CADPS2: variants seen among roughly 807,000 people sequenced by gnomAD.
CADPS2 encodes the protein calcium dependent secretion activator 2.
Under a neutral mutation model 172.5 loss-of-function variants are expected in CADPS2, and 93 were observed. The ratio of observed to expected loss-of-function variants is 0.54; its 90% CI spans 0.46 to 0.64. CADPS2 has a LOEUF of 0.64. Among genes scored for constraint, CADPS2 ranks in the 30% least tolerant of loss-of-function variants. CADPS2 has a pLI of 0.00. For missense variants in CADPS2, 1,420 were observed against 1,565.9 expected, an observed-to-expected ratio of 0.91 and a Z score of 1.57; for synonymous variants, 546 against 555.2, an observed-to-expected ratio of 0.98 and a Z score of 0.23.
At chr7:122,735,896 T>C (rs987321910) in intron 2 of CADPS2, among the ~76,000 whole-genome samples, 2 of 152,180 alleles carry the variant, frequency 1.3e-5, no homozygotes, top group South Asian at 2.1e-4. Context: ...TTTTACATGA[T>C]GAAATCTTCC....
chr7:122,383,470 C>A (rs1340285810), intron 24 of CADPS2, among the ~76,000 whole-genome samples: 2 of 152,050 alleles, frequency 1.3e-5, no homozygotes, highest in African/African-American at 4.8e-5. Context: ...AAATAAAATT[C>A]TTCGAATACT....
intron 12 of CADPS2, among the ~76,000 whole-genome samples, chr7:122,477,690 C>G (rs978083716): frequency 1.3e-5 from 2 of 152,036 alleles, no homozygotes; most frequent in Non-Finnish European, 1.5e-5. Context: ...TATATTTAAG[C>G]TTTACAACAT....
chr7:122,739,232 T>G lies in CADPS2; in HGVS notation c.340-2164A>C, dbSNP rs145580617. On this transcript the variant is annotated intron_variant, in intron 1 of 29. Transcript: ENST00000449022. ...GTAAAATAATGGCAATGGAAATGTA[T>G]GCAAAGAATGACAATGAACTGAAGG... 3.5e-3 allele frequency among the ~76,000 whole-genome samples: 528 copies of G among 152,300 alleles called. 6 individuals carry two copies. Among genetic ancestry groups the G allele is most frequent in the African/African-American group, 0.012 (517 of 41,570 alleles).
chr7:122,509,420 A>G (rs1048690528), intron 9 of CADPS2, among the ~76,000 whole-genome samples: 3 of 152,178 alleles, frequency 2.0e-5, no homozygotes, highest in Non-Finnish European at 4.4e-5. Context: ...CTGACACATC[A>G]ACAACAAGCA....
At chr7:122,489,995 A>AGC in intron 11 of CADPS2, 86 bp downstream of exon 11, 1 of 1,088,066 alleles carries the variant, frequency 9.2e-7, no homozygotes, top group Non-Finnish European at 1.3e-6. Flanking sequence ...AATGATGTAA[A>AGC]CTATAATACT....
At chr7:122,534,995 C>G (rs926006097) in intron 8 of CADPS2, among the ~76,000 whole-genome samples, 3 of 152,060 alleles carry the variant, frequency 2.0e-5, no homozygotes, top group African/African-American at 7.2e-5. Context: ...GCTTTGAAAG[C>G]TGAGCATTTA....
At chr7:122,652,412 C>A (rs1474491232) in intron 3 of CADPS2, among the ~76,000 whole-genome samples, 1 of 152,108 alleles carries the variant, frequency 6.6e-6, no homozygotes, top group Non-Finnish European at 1.5e-5. Context: ...ACAGCATTTT[C>A]ATTTAAAAAA....
intron 1 of CADPS2, among the ~76,000 whole-genome samples, chr7:122,766,364 T>C (rs1417713077): frequency 1.3e-5 from 2 of 152,152 alleles, no homozygotes; most frequent in African/African-American, 4.8e-5. Context: ...ATTTGAACCA[T>C]AGTCACATAA....
intron 20 of CADPS2, among the ~76,000 whole-genome samples, chr7:122,402,415 G>C (rs2046069325): frequency 6.6e-6 from 1 of 152,136 alleles, no homozygotes; most frequent in Non-Finnish European, 1.5e-5. Flanking sequence ...CCCCGCCCGA[G>C]TTCCTGCCTC....
Position 122,389,005 on chromosome 7 carries a change from G to C in CADPS2, c.3009-267C>G, listed in dbSNP as rs558689737. 2.6e-5 allele frequency among the ~76,000 whole-genome samples: 4 copies of C among 152,126 alleles called. No individual in the cohort carries two copies. In the South Asian group the frequency reaches 8.3e-4, roughly 32 times the overall value. On this transcript the variant is annotated intron_variant, in intron 22 of 29. Transcript: ENST00000449022. Reference sequence around the variant, plus strand: ...AAATGGATATGTATACTTTACTAAGGAAGTTATATTGTGTACATAAGAACA... The same window carrying C: ...AAATGGATATGTATACTTTACTAAGCAAGTTATATTGTGTACATAAGAACA...
At chr7:122,368,944 T>C (rs1247502445) in intron 25 of CADPS2, among the ~76,000 whole-genome samples, 2 of 152,128 alleles carry the variant, frequency 1.3e-5, no homozygotes, top group Non-Finnish European at 2.9e-5. Context: ...GCTGGTAACA[T>C]AAGAAAATGG....
chr7:122,696,916 T>C (rs553168282), intron 2 of CADPS2, among the ~76,000 whole-genome samples: 87 of 152,260 alleles, frequency 5.7e-4, no homozygotes, highest in Non-Finnish European at 9.9e-4. Context: ...CCTGAGAATA[T>C]AGTGAACAAA....
chr7:122,872,393 T>G (rs1434305950), intron 1 of CADPS2, among the ~76,000 whole-genome samples: 1 of 152,074 alleles, frequency 6.6e-6, no homozygotes, highest in Non-Finnish European at 1.5e-5. Flanking sequence ...AACCTTTGTT[T>G]TGTCAAAGAA....
chr7:122,814,840 C>T (rs568116396), intron 1 of CADPS2, among the ~76,000 whole-genome samples: 2 of 152,198 alleles, frequency 1.3e-5, no homozygotes, highest in African/African-American at 4.8e-5. Flanking sequence ...AATCAAGAAA[C>T]TATGATGTCA....
At chr7:122,505,112 T>C (rs746036933) in intron 9 of CADPS2, among the ~76,000 whole-genome samples, 75 of 152,352 alleles carry the variant, frequency 4.9e-4, no homozygotes, top group Middle Eastern at 6.8e-3. Flanking sequence ...AAGCTCTTTA[T>C]ATAATTAACA....
At chr7:122,755,739 A>G (rs571209158) in intron 1 of CADPS2, among the ~76,000 whole-genome samples, 84 of 152,262 alleles carry the variant, frequency 5.5e-4, no homozygotes, top group Non-Finnish European at 9.1e-4. Flanking sequence ...TAAAAAAAAA[A>G]AAGGGAAACT....
intron 9 of CADPS2, among the ~76,000 whole-genome samples, chr7:122,495,918 C>T (rs1401581407): frequency 2.6e-4 from 40 of 152,002 alleles, no homozygotes; most frequent in Admixed American, 2.6e-3. Flanking sequence ...TAAGAATATT[C>T]TCTTCTGTTT....
At chr7:122,449,187 T>C (rs1189473891) in intron 15 of CADPS2, among the ~76,000 whole-genome samples, 3 of 152,196 alleles carry the variant, frequency 2.0e-5, no homozygotes, top group African/African-American at 7.2e-5. Context: ...ATTCAGTTAC[T>C]AATATAGATA....
At chr7:122,514,671 A>G (rs1009066117) in intron 8 of CADPS2, among the ~76,000 whole-genome samples, 1 of 152,140 alleles carries the variant, frequency 6.6e-6, no homozygotes, top group Admixed American at 6.6e-5. Flanking sequence ...AGGTGCACAT[A>G]AAGGTGTATG....
Sources: gnomAD v4.1 joint callset for allele counts (sites outside exome capture counted in the v4.1 genomes callset) on GRCh38, gnomAD v4.1.1 for gene constraint, MANE v1.5 for transcripts, NCBI Gene and HGNC (gene_info 2026-07-23, HGNC 2026-07-21) for gene names.